Variants in GAK observed in about 807,000 individuals in gnomAD.
The protein encoded by GAK is cyclin G associated kinase.
In GAK, 79 loss-of-function variants were observed where a neutral mutation model predicts 143.9. That is an observed-to-expected ratio of 0.55 (90% CI 0.46 to 0.66). The LOEUF (loss-of-function observed/expected upper bound fraction) is 0.66. GAK is among the 30% of genes least tolerant of loss of function. The probability of loss-of-function intolerance (pLI) is 0.00; values close to 1 mark genes in which losing one functional copy is unlikely to be tolerated. For synonymous variants in GAK, 881 were observed against 765.5 expected (o/e 1.15, Z -2.49); for missense variants, 1,693 against 1,779.7 (o/e 0.95, Z 0.88).
chr4:884,185 G>A (rs1715769933), intron 11 of GAK, 99 bp from the exon 12 acceptor site: 1 of 1,044,066 alleles, frequency 9.6e-7, no homozygotes, highest in Non-Finnish European at 1.5e-6. Context: ...AAGCCGTGGG[G>A]CTCTCACTGT....
Position 849,358 on chromosome 4 carries a change from G to A in GAK, c.*315C>T, listed in dbSNP as rs953449603. The A allele has an allele frequency of 1.7e-4, 71 of 430,084 alleles. No homozygotes were observed. The highest frequency in any genetic ancestry group is 2.7e-4 in the South Asian group (10 of 37,082). The allele number at this position is 430,084 out of a possible 1,614,324, so 26.6% of individuals were successfully genotyped here. A position where few individuals can be genotyped will look rare whatever the true frequency, so the allele number is the denominator to read the frequency against. On this transcript the variant is annotated 3_prime_UTR_variant, in exon 28 of 28. Coordinates refer to ENST00000314167, the MANE Select transcript of GAK (RefSeq NM_005255.4). ...GGTGCAAACACCAGGGCCCATGAGC[G>A]CCAGCAGCGTGGCCCACCACGTGCC...
Position 851,512 on chromosome 4 carries a change from C to T in GAK, c.3508+238G>A, listed in dbSNP as rs1748134732. 7 of 589,036 alleles carry T rather than the reference C, an allele frequency of 1.2e-5. No individual in the cohort carries two copies. In the South Asian group the frequency reaches 1.5e-4, roughly 12 times the overall value. 36.5% of individuals were successfully genotyped at this position (589,036 alleles called of 1,614,324 possible). A position where few individuals can be genotyped will look rare whatever the true frequency, so the allele number is the denominator to read the frequency against. ...GAAGAGGGAAGACAAGACAGGGTTG[C>T]AAAGGCCATTTGTTAAAAACAGGTC... On this transcript the variant is annotated intron_variant, in intron 25 of 27. Transcript: ENST00000314167.
intron 23 of GAK, among the ~76,000 whole-genome samples, chr4:863,085 C>T (rs1039038223): frequency 6.6e-6 from 1 of 152,228 alleles, no homozygotes; most frequent in African/African-American, 2.4e-5. Flanking sequence ...TAAGAACATT[C>T]ACGATTCACA....
chr4:911,169 G>C (rs546257984), intron 4 of GAK, among the ~76,000 whole-genome samples: 1 of 152,282 alleles, frequency 6.6e-6, no homozygotes. Context: ...CACCCACAGA[G>C]GGACCTGGAG....
Position 849,679 on chromosome 4 carries a change from G to T in GAK, c.3930C>A (p.Leu1310=), listed in dbSNP as rs772338173. ...AGCCACCACCACTGCGGCCTCAGAA[G>T]AGGGGCCGGGAGCCCTGGTTCTCAA... ...SEFENQGSRP[L]F The change falls in exon 28 of 28, where the codon CTC becomes CTA. Residue 1310 remains leucine, a synonymous_variant. Transcript: ENST00000314167. 1.3e-5 allele frequency: 21 copies of T among 1,611,086 alleles called. No homozygotes were observed. The highest frequency in any genetic ancestry group is 3.3e-5 in the Admixed American group (2 of 59,822).
rs572190550 is a variant in GAK at position 868,678 on chromosome 4, C to T, written c.2256G>A (p.Pro752=). 1.9e-5 allele frequency: 29 copies of T among 1,550,634 alleles called. No homozygotes were observed. In the East Asian group the frequency reaches 2.4e-4, roughly 13 times the overall value. ...QQDILSKFGK[P]ELPRQPGSTA... The stretch of plus-strand genomic sequence containing the variant: ...TGGAGCCAGGCTGCCGGGGAAGCTC[C>T]GGCTTCCCTGCAGGAGAGGGAGGGC... Residue 752 remains proline (P), a synonymous_variant, in exon 20 of 28, where the codon CCG becomes CCA. Transcript: ENST00000314167.
chr4:859,007 TC>T lies in GAK; in HGVS notation c.3283+598del, dbSNP rs1029017056. Among the ~76,000 whole-genome samples the T allele has an allele frequency of 2.6e-5, 4 of 151,976 alleles. No homozygotes were observed. In the East Asian group the frequency reaches 7.7e-4, roughly 29 times the overall value. ...CAAGGGAGGCCCCTTCAGATGATCA[TC>T]CCCCCGCCGCCGACGCTTCTTCTGA... is the stretch of plus-strand genomic sequence containing the variant. On this transcript the variant is annotated intron_variant, in intron 24 of 27. Transcript: ENST00000314167.
chr4:883,291 A>T (rs1036352045), intron 13 of GAK, 24 bp downstream of exon 13: 4 of 1,611,012 alleles, frequency 2.5e-6, no homozygotes, highest in Non-Finnish European at 2.5e-6. Context: ...GAGTGGCACC[A>T]AGACAAAGCC....
In GAK at chr4:902,596, C is replaced by CAAAAAAAAAAAAAAAAAAAAA. The variant is rs768017849; in HGVS notation, c.525+2040_525+2041insTTTTTTTTTTTTTTTTTTTTT. Among the ~76,000 whole-genome samples, 51 of 60,724 alleles carry CAAAAAAAAAAAAAAAAAAAAA rather than the reference C, an allele frequency of 8.4e-4. 7 individuals carry two copies. The highest frequency in any genetic ancestry group is 3.7e-3 in the African/African-American group (45 of 12,180). The allele number at this position is 60,724 out of a possible 152,430, so 39.8% of individuals were successfully genotyped here. A position where few individuals can be genotyped will look rare whatever the true frequency, so the allele number is the denominator to read the frequency against. On this transcript the variant is annotated intron_variant, in intron 5 of 27. Coordinates refer to ENST00000314167, the MANE Select transcript of GAK (RefSeq NM_005255.4). Reference sequence around the variant, plus strand: ...AGCCTGGGCTGTAGAGTGACTGACTCAAAAAAAAAAAAAAAAAACCCCAAA... The same window carrying CAAAAAAAAAAAAAAAAAAAAA: ...AGCCTGGGCTGTAGAGTGACTGACTCAAAAAAAAAAAAAAAAAAAAAAAAAAAAAAAAAAAAAAACCCCAAA...
rs953515749 is a variant in GAK at position 849,443 on chromosome 4, G to A, written c.*230C>T. On this transcript the variant is annotated 3_prime_UTR_variant, in exon 28 of 28. Transcript: ENST00000314167. ...AATCACAGACGTGACAATTGCGGGA[G>A]GAGCATGAATCAGCTGTTCCTTCGG... 1.2e-5 allele frequency: 7 copies of A among 564,214 alleles called. No individual in the cohort carries two copies. The highest frequency in any genetic ancestry group is 5.6e-5 in the African/African-American group (3 of 53,276). The allele number at this position is 564,214 out of a possible 1,614,324, so 35.0% of individuals were successfully genotyped here.
chr4:851,503 A>C, intron 25 of GAK: 1 of 584,266 alleles, frequency 1.7e-6, no homozygotes, highest in Non-Finnish European at 3.0e-6. Context: ...GGAAGACAAG[A>C]CAGGGTTGCA....
At chr4:897,852 G>A (rs377378939) in intron 6 of GAK, 181 bp downstream of exon 6, 16 of 575,446 alleles carry the variant, frequency 2.8e-5, no homozygotes, top group South Asian at 2.3e-4. Flanking sequence ...GGGAGGCAGA[G>A]GCAGAAGAAT....
chr4:879,393 G>T (rs57445359), intron 15 of GAK, among the ~76,000 whole-genome samples: 6,563 of 152,300 alleles, frequency 0.043, 166 homozygotes, highest in Middle Eastern at 0.075. Flanking sequence ...CTACTTGTTT[G>T]ATCTGTTCTT....
chr4:876,226 G>C (rs1033709276), intron 18 of GAK, among the ~76,000 whole-genome samples: 2 of 151,834 alleles, frequency 1.3e-5, no homozygotes, highest in Admixed American at 6.5e-5. Context: ...GCACACAGCA[G>C]GCTCAGGAAC....
intron 6 of GAK, among the ~76,000 whole-genome samples, chr4:896,974 C>T (rs886511205): frequency 6.6e-6 from 1 of 152,236 alleles, no homozygotes; most frequent in Non-Finnish European, 1.5e-5. Flanking sequence ...AGGAGGAAGC[C>T]GTCCACCCAA....
Position 875,179 on chromosome 4 carries a change from T to C in GAK, c.2054+1351A>G, listed in dbSNP as rs565997252. On this transcript the variant is annotated intron_variant, in intron 18 of 27. Transcript: ENST00000314167. ...ATTTTCCTCTTCATCATCAGTACCT[T>C]GGTCTTTAAAACACTATTTTAAGCA... is the stretch of plus-strand genomic sequence containing the variant. 2.6e-5 allele frequency among the ~76,000 whole-genome samples: 4 copies of C among 152,338 alleles called. No individual in the cohort carries two copies. The South Asian group carries it at 8.3e-4, about 32-fold the overall frequency.
rs2279181 is a variant in GAK, at chr4:888,855, G to A, written c.1197C>T (p.Ser399=). 0.1 allele frequency: 167,280 copies of A among 1,604,990 alleles called. 9,750 individuals are homozygous for A. The highest frequency in any genetic ancestry group is 0.19 in the South Asian group (17,203 of 89,530). ...LKDTSSKVIQ[S]VANYAKGDLD... is the part of the protein sequence containing the mutation. ...TGGAGCCTCACACTCACTTAGCGAC[G>A]GACTGGATGACCTTGGAGGAGGTGT... is the stretch of plus-strand genomic sequence containing the variant. The change falls in exon 11 of 28, where the codon TCC becomes TCT. Residue 399 remains serine, a synonymous_variant. Transcript: ENST00000314167.
chr4:849,833 G>GCCCCCCCCCC, intron 27 of GAK, 59 bp from the exon 28 acceptor site: 1 of 1,190,152 alleles, frequency 8.4e-7, no homozygotes, highest in African/African-American at 2.1e-5. Context: ...GGCGGGGCAG[G>GCCCCCCCCCC]ACCCCCCCCC....
chr4:919,304 G>T (rs1723560302), intron 1 of GAK, among the ~76,000 whole-genome samples: 1 of 148,346 alleles, frequency 6.7e-6, no homozygotes. Context: ...AAGACAGAAG[G>T]CTCCAAAGGC....
Sources: gnomAD v4.1 joint callset for allele counts (sites outside exome capture counted in the v4.1 genomes callset) on GRCh38, gnomAD v4.1.1 for gene constraint, MANE v1.5 for transcripts, NCBI Gene and HGNC (gene_info 2026-07-23, HGNC 2026-07-21) for gene names.